Variants in PMAIP1 observed in about 807,000 individuals in gnomAD.
PMAIP1 encodes phorbol-12-myristate-13-acetate-induced protein 1, also known as PMA-induced protein 1.
In PMAIP1, 3 loss-of-function variants were observed where a neutral mutation model predicts 3.7. That is an observed-to-expected ratio of 0.82 (90% CI 0.37 to 2.12). The LOEUF is 2.12. PMAIP1 is among the 30% of genes most tolerant of loss of function. PMAIP1 has a pLI of 0.06. For missense variants in PMAIP1, 77 were observed against 67.1 expected (o/e 1.15, Z -0.52); for synonymous variants, 29 against 26.2 (o/e 1.11, Z -0.32).
In PMAIP1 at chr18:59,903,926, T is replaced by C. The variant is rs1861358259; in HGVS notation, c.*1173T>C. 6.6e-6 allele frequency: 1 copy of C among 152,160 alleles called. No individual in the cohort carries two copies. 9.4% of individuals were successfully genotyped at this position (152,160 alleles called of 1,614,324 possible). A position where few individuals can be genotyped will look rare whatever the true frequency, so the allele number is the denominator to read the frequency against. ...TTTTTTTTATCTGGGCTATATACAG[T>C]CCTCAAATAAATAATGTCTTGATTT... On this transcript the variant is annotated 3_prime_UTR_variant, in exon 2 of 2. Coordinates refer to ENST00000316660, the MANE Select transcript of PMAIP1 (RefSeq NM_021127.3).
In PMAIP1 at chr18:59,902,811, C is replaced by T. The variant is rs531143556; in HGVS notation, c.*58C>T. Reference sequence around the variant, plus strand: ...CAAAAGAGTTTTCTCAGGAGGTGCACGTTTCATCAATTTGAAGAAAGACTG... The same window carrying T: ...CAAAAGAGTTTTCTCAGGAGGTGCATGTTTCATCAATTTGAAGAAAGACTG... On this transcript the variant is annotated 3_prime_UTR_variant, in exon 2 of 2. Coordinates refer to ENST00000316660, the MANE Select transcript of PMAIP1 (RefSeq NM_021127.3). 2.3e-5 allele frequency: 37 copies of T among 1,612,386 alleles called. No individual in the cohort carries two copies. The highest frequency in any genetic ancestry group is 2.7e-5 in the African/African-American group (2 of 74,858).
Position 59,903,082 on chromosome 18 carries a change from C to T in PMAIP1, c.*329C>T, listed in dbSNP as rs1057202920. On this transcript the variant is annotated 3_prime_UTR_variant, in exon 2 of 2. Coordinates refer to ENST00000316660, the MANE Select transcript of PMAIP1 (RefSeq NM_021127.3). ...TTCTAGTGTTTTTGCCGAAGATTACCGCTGGCCTACTGTGAAGGGAGATGA... is the reference window on the plus strand; with the variant it reads ...TTCTAGTGTTTTTGCCGAAGATTACTGCTGGCCTACTGTGAAGGGAGATGA... 1.2e-5 allele frequency: 7 copies of T among 563,872 alleles called. No homozygotes were observed. The highest frequency in any genetic ancestry group is 3.0e-5 in the East Asian group (1 of 33,544). The allele number at this position is 563,872 out of a possible 1,614,324, so 34.9% of individuals were successfully genotyped here. A position where few individuals can be genotyped will look rare whatever the true frequency, so the allele number is the denominator to read the frequency against.
At chr18:59,901,401 T>C (rs762850779) in intron 1 of PMAIP1, among the ~76,000 whole-genome samples, 2 of 152,256 alleles carry the variant, frequency 1.3e-5, no homozygotes, top group Non-Finnish European at 2.9e-5. Flanking sequence ...CTTTTAGAAC[T>C]GTATATTAAT....
rs2055782361 is a variant in PMAIP1, at chr18:59,902,800, C to T, written c.*47C>T. ...GGGGACTCCTTCAAAAGAGTTTTCT[C>T]AGGAGGTGCACGTTTCATCAATTTG... On this transcript the variant is annotated 3_prime_UTR_variant, in exon 2 of 2. Transcript: ENST00000316660. 1 of 1,613,780 alleles carries T rather than the reference C, an allele frequency of 6.2e-7. No homozygotes were observed. Among genetic ancestry groups the T allele is most frequent in the Non-Finnish European group, 8.5e-7 (1 of 1,179,808 alleles).
chr18:59,899,996 A>G lies in PMAIP1; in HGVS notation c.-182A>G, dbSNP rs72970003. On this transcript the variant is annotated 5_prime_UTR_variant, in exon 1 of 2. Coordinates refer to ENST00000316660, the MANE Select transcript of PMAIP1 (RefSeq NM_021127.3). ...GCGTGGTCTCTGGCGCGGGGATCTC[A>G]GAGTTTCCCGGGCACTCACCGTGTG... 9,289 of 532,244 alleles carry G rather than the reference A, an allele frequency of 0.017. 115 individuals are homozygous for G. Among genetic ancestry groups the G allele is most frequent in the Non-Finnish European group, 0.022 (6,781 of 313,722 alleles). The allele number at this position is 532,244 out of a possible 1,614,324, so 33.0% of individuals were successfully genotyped here.
In PMAIP1 at chr18:59,903,147, T is replaced by C; in HGVS notation, c.*394T>C. ...GGGCGGCTGGGGAGAAACAGTTCAGTGCATTGTTGTTGTTGCTGTTTTTGG... is the reference window on the plus strand; with the variant it reads ...GGGCGGCTGGGGAGAAACAGTTCAGCGCATTGTTGTTGTTGCTGTTTTTGG... On this transcript the variant is annotated 3_prime_UTR_variant, in exon 2 of 2. Transcript: ENST00000316660. 1 of 430,104 alleles carries C rather than the reference T, an allele frequency of 2.3e-6. No individual in the cohort carries two copies. The highest frequency in any genetic ancestry group is 2.9e-5 in the South Asian group (1 of 34,178). 26.6% of individuals were successfully genotyped at this position (430,104 alleles called of 1,614,324 possible). A position where few individuals can be genotyped will look rare whatever the true frequency, so the allele number is the denominator to read the frequency against.
chr18:59,900,545 C>T (rs1336232131), intron 1 of PMAIP1: 5 of 1,550,386 alleles, frequency 3.2e-6, no homozygotes, highest in Non-Finnish European at 4.4e-6. Flanking sequence ...TCGCCACTTG[C>T]CCTTCCCCGG....
Position 59,904,108 on chromosome 18 carries a change from C to T in PMAIP1, c.*1355C>T, listed in dbSNP as rs758854744. The T allele has an allele frequency of 1.3e-5, 2 of 151,790 alleles. No homozygotes were observed. The highest frequency in any genetic ancestry group is 6.6e-5 in the Admixed American group (1 of 15,264). 9.4% of individuals were successfully genotyped at this position (151,790 alleles called of 1,614,324 possible). ...AATGTCTTAATGTAGGTTGTAGTCA[C>T]TTTAGATGGAAAATTACCTCACATC... is the stretch of plus-strand genomic sequence containing the variant. On this transcript the variant is annotated 3_prime_UTR_variant, in exon 2 of 2. Coordinates refer to ENST00000316660, the MANE Select transcript of PMAIP1 (RefSeq NM_021127.3).
intron 1 of PMAIP1, chr18:59,900,752 TAGG>T (rs2055759951): frequency 3.1e-6 from 2 of 648,226 alleles, no homozygotes; most frequent in Admixed American, 3.0e-5. Context: ...GAGGTGGGGA[TAGG>T]AGAATAGGAG....
intron 1 of PMAIP1, among the ~76,000 whole-genome samples, chr18:59,901,340 A>G (rs1204461271): frequency 6.6e-6 from 1 of 152,228 alleles, no homozygotes; most frequent in East Asian, 1.9e-4. Context: ...TAACTTTTCC[A>G]CTTAGAATTC....
At chr18:59,900,256 G>A in intron 1 of PMAIP1, 21 bp downstream of exon 1, 1 of 1,540,872 alleles carries the variant, frequency 6.5e-7, no homozygotes, top group Non-Finnish European at 8.7e-7. Context: ...GCTGGGGCCA[G>A]CGAAGACCCA....
intron 1 of PMAIP1, among the ~76,000 whole-genome samples, chr18:59,902,071 G>GA (rs2055775113): frequency 6.6e-6 from 1 of 152,138 alleles, no homozygotes; most frequent in Admixed American, 6.5e-5. Flanking sequence ...AGTCTTTTAT[G>GA]AAAAAATATC....
In PMAIP1 at chr18:59,902,661, T is replaced by C; in HGVS notation, c.73T>C (p.Cys25Arg). Reference sequence around the variant, plus strand: ...TTCCTTCTCAGAGCTGGAAGTCGAGTGTGCTACTCAACTCAGGAGATTTGG... The same window carrying C: ...TTCCTTCTCAGAGCTGGAAGTCGAGCGTGCTACTCAACTCAGGAGATTTGG... The part of the protein sequence containing the change: ...ARAPAELEVE[C>R]ATQLRRFGDK... The change falls in exon 2 of 2, where the codon TGT (cysteine) becomes CGT (arginine). Residue 25 changes from cysteine to arginine, a missense_variant. Transcript: ENST00000316660. 1 of 1,614,114 alleles carries C rather than the reference T, an allele frequency of 6.2e-7. No homozygotes were observed. Among genetic ancestry groups the C allele is most frequent in the Non-Finnish European group, 8.5e-7 (1 of 1,179,968 alleles).
At position 59,903,249 on chromosome 18, in the gene PMAIP1, A is replaced by T; in HGVS notation, c.*496A>T. On this transcript the variant is annotated 3_prime_UTR_variant, in exon 2 of 2. Coordinates refer to ENST00000316660, the MANE Select transcript of PMAIP1 (RefSeq NM_021127.3). ...CATATTACCTTGTTATAATGAAAAA[A>T]CTCATTCTGAGAACACTGAAATGTT... 1 of 183,972 alleles carries T rather than the reference A, an allele frequency of 5.4e-6. No individual in the cohort carries two copies. Among genetic ancestry groups the T allele is most frequent in the Admixed American group, 5.6e-5 (1 of 17,838 alleles). 11.4% of individuals were successfully genotyped at this position (183,972 alleles called of 1,614,324 possible).
At chr18:59,900,293 G>C (rs1017978134) in intron 1 of PMAIP1, 58 bp downstream of exon 1, 121 of 1,525,762 alleles carry the variant, frequency 7.9e-5, no homozygotes, top group Admixed American at 5.0e-4. Flanking sequence ...GGCCGGGGTC[G>C]AGGTCTCGGC....
At chr18:59,901,370 G>A (rs938894208) in intron 1 of PMAIP1, among the ~76,000 whole-genome samples, 2 of 152,170 alleles carry the variant, frequency 1.3e-5, no homozygotes, top group African/African-American at 2.4e-5. Context: ...AGTGTCGGAC[G>A]CTGAATGGTA....
In PMAIP1 at chr18:59,903,144, C is replaced by A. The variant is rs899363524; in HGVS notation, c.*391C>A. ...ACTGGGCGGCTGGGGAGAAACAGTT[C>A]AGTGCATTGTTGTTGTTGCTGTTTT... On this transcript the variant is annotated 3_prime_UTR_variant, in exon 2 of 2. Transcript: ENST00000316660. 2.9e-5 allele frequency: 13 copies of A among 452,382 alleles called. No individual in the cohort carries two copies. In the East Asian group the frequency reaches 4.9e-4, roughly 17 times the overall value. 28.0% of individuals were successfully genotyped at this position (452,382 alleles called of 1,614,324 possible). A position where few individuals can be genotyped will look rare whatever the true frequency, so the allele number is the denominator to read the frequency against.
At position 59,900,554 on chromosome 18, in the gene PMAIP1, G is replaced by C. The variant is rs867828374; in HGVS notation, c.58+319G>C. ...TCCTCCTCGCCACTTGCCCTTCCCC[G>C]GGGCCACGAGGAACAAGTGCAAGTG... On this transcript the variant is annotated intron_variant, in intron 1 of 1. Coordinates refer to ENST00000316660, the MANE Select transcript of PMAIP1 (RefSeq NM_021127.3). 1.9e-6 allele frequency: 3 copies of C among 1,550,230 alleles called. No individual in the cohort carries two copies. The African/African-American group carries it at 4.1e-5, about 21-fold the overall frequency.
intron 1 of PMAIP1, chr18:59,900,596 G>C (rs1415691452): frequency 1.2e-5 from 18 of 1,549,620 alleles, no homozygotes; most frequent in Admixed American, 3.9e-5. Flanking sequence ...GCTGTCTCTA[G>C]GAGAAAGTCA....
Sources: gnomAD v4.1 joint callset for allele counts (sites outside exome capture counted in the v4.1 genomes callset) on GRCh38, gnomAD v4.1.1 for gene constraint, MANE v1.5 for transcripts, NCBI Gene and HGNC (gene_info 2026-07-23, HGNC 2026-07-21) for gene names.